The following ERCC2 variants were observed in gnomAD, a reference collection of about 807,000 sequenced individuals.
ERCC2 encodes the protein ERCC excision repair 2, TFIIH core complex helicase subunit, also known as general transcription and DNA repair factor IIH helicase subunit XPD.
Under a neutral mutation model 99.4 loss-of-function variants are expected in ERCC2, and 90 were observed. That is an observed-to-expected ratio of 0.91 (90% confidence interval 0.76 to 1.08). ERCC2 has a LOEUF of 1.08. Among genes scored for constraint, ERCC2 ranks in the 50% least tolerant of loss-of-function variants. The probability of loss-of-function intolerance (pLI) is 0.00; values close to 1 mark genes in which losing one functional copy is unlikely to be tolerated. For synonymous variants in ERCC2, 497 were observed against 432.4 expected, an observed-to-expected ratio of 1.15 and a Z score of -1.85; for missense variants, 993 against 1,038.1, an observed-to-expected ratio of 0.96 and a Z score of 0.60.
chr19:45,365,465 G>A (rs1972395113), intron 5 of ERCC2, among the ~76,000 whole-genome samples: 1 of 152,148 alleles, frequency 6.6e-6, no homozygotes, highest in South Asian at 2.1e-4. Flanking sequence ...AAATACATTA[G>A]CCAGGCGTGG....
intron 19 of ERCC2, 31 bp downstream of exon 19, chr19:45,353,050 GAC>G: frequency 6.3e-7 from 1 of 1,599,342 alleles, no homozygotes; most frequent in Non-Finnish European, 8.6e-7. Flanking sequence ...GCTCTGGGAA[GAC>G]ACCTGGGGAG....
intron 5 of ERCC2, among the ~76,000 whole-genome samples, chr19:45,366,432 G>A (rs771588157): frequency 9.2e-5 from 14 of 152,128 alleles, no homozygotes; most frequent in Admixed American, 3.9e-4. Context: ...GTGAGCCACC[G>A]TGCCCAGCCC....
chr19:45,362,149 C>T (rs1331765232), intron 11 of ERCC2, among the ~76,000 whole-genome samples: 1 of 152,114 alleles, frequency 6.6e-6, no homozygotes, highest in East Asian at 1.9e-4. Context: ...TGGTCTTGAA[C>T]TTCTGACCTC....
Position 45,351,303 on chromosome 19 carries a change from G to A in ERCC2, c.*326C>T, listed in dbSNP as rs769683056. On this transcript the variant is annotated 3_prime_UTR_variant, in exon 23 of 23. Coordinates refer to ENST00000391945, the MANE Select transcript of ERCC2 (RefSeq NM_000400.4). Reference sequence around the variant, plus strand: ...GTCTCCAGTTTCCCAGCTGGCACCTGGACAAGGCCCCTCGGACCCTCAGCG... The same window carrying A: ...GTCTCCAGTTTCCCAGCTGGCACCTAGACAAGGCCCCTCGGACCCTCAGCG... 9 of 1,612,516 alleles carry A rather than the reference G, an allele frequency of 5.6e-6. No individual in the cohort carries two copies. The highest frequency in any genetic ancestry group is 4.0e-5 in the African/African-American group (3 of 74,890).
At chr19:45,360,694 T>C (rs1349583260) in intron 12 of ERCC2, among the ~76,000 whole-genome samples, 1 of 151,992 alleles carries the variant, frequency 6.6e-6, no homozygotes, top group African/African-American at 2.4e-5. Context: ...AATTTTTGTA[T>C]TTTTAGTAAA....
chr19:45,350,793 C>A lies in ERCC2; in HGVS notation c.*836G>T. The stretch of plus-strand genomic sequence containing the variant: ...CAAAGAGCCCTGACATCAGCAGAAT[C>A]CACAGCCCACCCCACCCCCACCCCC... On this transcript the variant is annotated 3_prime_UTR_variant, in exon 23 of 23. Coordinates refer to ENST00000391945, the MANE Select transcript of ERCC2 (RefSeq NM_000400.4). 1 of 1,512,308 alleles carries A rather than the reference C, an allele frequency of 6.6e-7. No individual in the cohort carries two copies. Among genetic ancestry groups the A allele is most frequent in the Non-Finnish European group, 9.1e-7 (1 of 1,104,622 alleles). The allele number at this position is 1,512,308 out of a possible 1,614,324, so 93.7% of individuals were successfully genotyped here.
chr19:45,351,103 G>A lies in ERCC2; in HGVS notation c.*526C>T. 1 of 1,609,748 alleles carries A rather than the reference G, an allele frequency of 6.2e-7. No homozygotes were observed. The highest frequency in any genetic ancestry group is 8.5e-7 in the Non-Finnish European group (1 of 1,177,812). On this transcript the variant is annotated 3_prime_UTR_variant, in exon 23 of 23. Coordinates refer to ENST00000391945, the MANE Select transcript of ERCC2 (RefSeq NM_000400.4). ...CAAAGGCAGGGCGGTCGGGCCAGTG[G>A]TGGAGTCAGCAGGTGGTGGGTTGGT... is the stretch of plus-strand genomic sequence containing the variant.
rs780972135 is a variant in ERCC2, at chr19:45,364,221, G to A, written c.815+14C>T. ...GGCAGGGCGGGCACCACCGCCAGAC[G>A]TCCCCGGCCCCACCTGAGCACCGTC... is the stretch of plus-strand genomic sequence containing the variant. On this transcript the variant is annotated intron_variant, in intron 9 of 22. Transcript: ENST00000391945. The A allele has an allele frequency of 1.6e-5, 26 of 1,612,644 alleles. No homozygotes were observed. In the African/African-American group the frequency reaches 1.7e-4, roughly 11 times the overall value.
intron 5 of ERCC2, among the ~76,000 whole-genome samples, chr19:45,366,918 C>T (rs1972441857): frequency 6.6e-6 from 1 of 152,042 alleles, no homozygotes; most frequent in Non-Finnish European, 1.5e-5. Context: ...GCCTGTAATC[C>T]CAGCTACTCA....
intron 19 of ERCC2, 81 bp downstream of exon 19, chr19:45,353,002 G>C: frequency 6.8e-7 from 1 of 1,478,786 alleles, no homozygotes; most frequent in Non-Finnish European, 9.4e-7. Context: ...GTGGTTCCCC[G>C]CGGGAGCAGA....
At chr19:45,363,590 C>T (rs1162396717) in intron 11 of ERCC2, among the ~76,000 whole-genome samples, 153 bp downstream of exon 11, 1 of 152,238 alleles carries the variant, frequency 6.6e-6, no homozygotes, top group South Asian at 2.1e-4. Flanking sequence ...TCCCGGACCT[C>T]CCAGGTCAGA....
In ERCC2 at chr19:45,357,568, G is replaced by T. The variant is rs777195073; in HGVS notation, c.1308-25C>A. On this transcript the variant is annotated intron_variant, in intron 13 of 22. Coordinates refer to ENST00000391945, the MANE Select transcript of ERCC2 (RefSeq NM_000400.4). The stretch of plus-strand genomic sequence containing the variant: ...GCTGGAGAGAGATGAGGGCAGTGAG[G>T]GCCCGGGGGGCTGGGCCCCCGACCC... The T allele has an allele frequency of 6.8e-6, 11 of 1,614,012 alleles. No homozygotes were observed. In the Admixed American group the frequency reaches 1.8e-4, roughly 27 times the overall value.
Position 45,352,660 on chromosome 19 carries a change from G to GGAGGATGA in ERCC2, c.1903-19_1903-12dup. ...GTATTCCAGCCGCGCCTGCAGATAC[G>GGAGGATGA]GAGGATGAGAAGCTGGGGAGGTGGG... On this transcript the variant is annotated splice_polypyrimidine_tract_variant and intron_variant, in intron 20 of 22. Coordinates refer to ENST00000391945, the MANE Select transcript of ERCC2 (RefSeq NM_000400.4). The GGAGGATGA allele has an allele frequency of 6.2e-7, 1 of 1,613,984 alleles. No homozygotes were observed. The highest frequency in any genetic ancestry group is 8.5e-7 in the Non-Finnish European group (1 of 1,180,026).
At chr19:45,361,138 A>C (rs1376869582) in intron 12 of ERCC2, among the ~76,000 whole-genome samples, 1 of 151,906 alleles carries the variant, frequency 6.6e-6, no homozygotes, top group Non-Finnish European at 1.5e-5. Context: ...TCAAAAAAAA[A>C]AAAAAAAGCA....
chr19:45,354,557 G>T (rs1055628685), intron 17 of ERCC2, among the ~76,000 whole-genome samples, 173 bp downstream of exon 17: 3 of 152,176 alleles, frequency 2.0e-5, no homozygotes, highest in African/African-American at 4.8e-5. Flanking sequence ...GATGTACTGG[G>T]GGCGGGGCAT....
chr19:45,365,029 GC>G lies in ERCC2; in HGVS notation c.477+12del, dbSNP rs776364773. Reference sequence around the variant, plus strand: ...TGTCCTGCCTCCCTCCCTCAGCCCTGCCCTCCAGTAACCTCATAGAATCGGC... The same window carrying G: ...TGTCCTGCCTCCCTCCCTCAGCCCTGCCTCCAGTAACCTCATAGAATCGGC... On this transcript the variant is annotated intron_variant, in intron 6 of 22. Transcript: ENST00000391945. The G allele has an allele frequency of 6.2e-7, 1 of 1,611,716 alleles. No homozygotes were observed. Among genetic ancestry groups the G allele is most frequent in the Admixed American group, 1.7e-5 (1 of 60,012 alleles).
chr19:45,354,643 CAG>C, intron 17 of ERCC2, 85 bp downstream of exon 17: 4 of 1,557,334 alleles, frequency 2.6e-6, no homozygotes, highest in South Asian at 1.1e-5. Context: ...CTGTCACCAT[CAG>C]AGTGTGAGAG....
chr19:45,364,692 G>T, intron 7 of ERCC2, 145 bp from the exon 8 acceptor site: 3 of 1,356,764 alleles, frequency 2.2e-6, no homozygotes, highest in Middle Eastern at 2.0e-4. Flanking sequence ...GATAGAGACA[G>T]ACCAACAGAT....
intron 11 of ERCC2, among the ~76,000 whole-genome samples, chr19:45,362,577 C>T (rs1972263216): frequency 6.6e-6 from 1 of 152,236 alleles, no homozygotes; most frequent in African/African-American, 2.4e-5. Flanking sequence ...GCACGTCAGC[C>T]CTCCCAGCCT....
Sources: gnomAD v4.1 joint callset for allele counts (sites outside exome capture counted in the v4.1 genomes callset) on GRCh38, gnomAD v4.1.1 for gene constraint, MANE v1.5 for transcripts, NCBI Gene and HGNC (gene_info 2026-07-23, HGNC 2026-07-21) for gene names.